The following VTI1A variants were observed in gnomAD, a reference collection of about 807,000 sequenced individuals.
The protein encoded by VTI1A is vesicle transport through interaction with t-SNAREs 1A.
In VTI1A, 22 loss-of-function variants were observed where a neutral mutation model predicts 34.9. The observed-to-expected ratio is 0.63, with a 90% CI of 0.45 to 0.90. VTI1A has a LOEUF of 0.90. Ranked by LOEUF, VTI1A falls within the 40% of genes least tolerant of loss-of-function variation. The pLI is 0.00. For synonymous variants in VTI1A, 87 were observed against 97.3 expected (o/e 0.89, Z 0.62); for missense variants, 268 against 275.6 (o/e 0.97, Z 0.20).
chr10:112,566,329 A>G (rs1851902396), intron 5 of VTI1A, among the ~76,000 whole-genome samples: 1 of 152,228 alleles, frequency 6.6e-6, no homozygotes, highest in Admixed American at 6.5e-5. Context: ...ATAAAATGTT[A>G]AAATAATAGA....
intron 3 of VTI1A, among the ~76,000 whole-genome samples, chr10:112,524,251 A>G (rs146982129): frequency 0.013 from 1,906 of 152,188 alleles, 16 homozygotes; most frequent in Middle Eastern, 0.024. Flanking sequence ...TTGGGCATCT[A>G]AATATAATTA....
At chr10:112,655,810 TGACA>T (rs1174379034) in intron 5 of VTI1A, among the ~76,000 whole-genome samples, 1 of 152,226 alleles carries the variant, frequency 6.6e-6, no homozygotes, top group Non-Finnish European at 1.5e-5. Context: ...TTGACATGAC[TGACA>T]GACATTTTTT....
intron 3 of VTI1A, among the ~76,000 whole-genome samples, chr10:112,504,011 T>C (rs949410058): frequency 1.3e-5 from 2 of 152,160 alleles, no homozygotes; most frequent in African/African-American, 4.8e-5. Context: ...GTCCAAAAGA[T>C]CTCACTGTTT....
At chr10:112,550,364 T>C (rs1422877401) in intron 5 of VTI1A, among the ~76,000 whole-genome samples, 2 of 151,328 alleles carry the variant, frequency 1.3e-5, no homozygotes, top group Admixed American at 1.3e-4. Context: ...TTTTTTTTTT[T>C]TAACAGTGTT....
chr10:112,773,287 A>G (rs935480921), intron 7 of VTI1A, among the ~76,000 whole-genome samples: 5 of 152,214 alleles, frequency 3.3e-5, no homozygotes, highest in African/African-American at 1.2e-4. Flanking sequence ...AGTTTTTCCA[A>G]GGTTTGGGAA....
At chr10:112,506,555 G>A (rs937469431) in intron 3 of VTI1A, among the ~76,000 whole-genome samples, 3 of 152,122 alleles carry the variant, frequency 2.0e-5, no homozygotes, top group African/African-American at 7.2e-5. Context: ...TAATGTAGAC[G>A]TTACACACTG....
chr10:112,778,325 A>T (rs903574634), intron 7 of VTI1A, among the ~76,000 whole-genome samples: 3 of 152,200 alleles, frequency 2.0e-5, no homozygotes, highest in African/African-American at 7.2e-5. Flanking sequence ...GACTCTGAGC[A>T]CTGGTGGAAG....
intron 3 of VTI1A, among the ~76,000 whole-genome samples, chr10:112,507,099 A>G (rs1006294458): frequency 6.6e-6 from 1 of 152,174 alleles, no homozygotes; most frequent in African/African-American, 2.4e-5. Context: ...TCAGGTGTCC[A>G]GAATGGAAGG....
At position 112,816,842 on chromosome 10, in the gene VTI1A, G is replaced by A. The variant is rs1853534530; in HGVS notation, c.*1459G>A. ...TCCCAACTCAGAAGAAAACCATTATGGTTTAGAGAGGAAATGCAGAATGGC... is the reference window on the plus strand; with the variant it reads ...TCCCAACTCAGAAGAAAACCATTATAGTTTAGAGAGGAAATGCAGAATGGC... On this transcript the variant is annotated 3_prime_UTR_variant, in exon 8 of 8. Transcript: ENST00000393077. The A allele has an allele frequency of 4.4e-6, 1 of 229,796 alleles. No homozygotes were observed. The highest frequency in any genetic ancestry group is 2.2e-5 in the African/African-American group (1 of 45,150). The allele number at this position is 229,796 out of a possible 1,614,324, so 14.2% of individuals were successfully genotyped here. A position where few individuals can be genotyped will look rare whatever the true frequency, so the allele number is the denominator to read the frequency against.
intron 7 of VTI1A, among the ~76,000 whole-genome samples, chr10:112,799,780 C>A (rs1444172987): frequency 2.0e-5 from 3 of 152,138 alleles, no homozygotes; most frequent in Non-Finnish European, 4.4e-5. Context: ...AAGGAGATAT[C>A]ACAAGTTTGA....
chr10:112,700,629 C>T (rs1371741185), intron 7 of VTI1A, among the ~76,000 whole-genome samples: 1 of 152,180 alleles, frequency 6.6e-6, no homozygotes, highest in African/African-American at 2.4e-5. Flanking sequence ...CCAAATTGCT[C>T]ATATTGGCTT....
At chr10:112,782,880 C>T (rs879457173) in intron 7 of VTI1A, among the ~76,000 whole-genome samples, 1 of 152,100 alleles carries the variant, frequency 6.6e-6, no homozygotes, top group Non-Finnish European at 1.5e-5. Flanking sequence ...CTTCTAATTT[C>T]GATTTTGTGA....
In VTI1A at chr10:112,548,890, A is replaced by T. The variant is rs547002780; in HGVS notation, c.427+10560A>T. ...GTGATCAATCACTTTTTAAAAAATC[A>T]TTTTAGAAGTTTCTTCACATCCACT... On this transcript the variant is annotated intron_variant, in intron 5 of 7. Transcript: ENST00000393077. The T allele has an allele frequency of 1.1e-5, 14 of 1,249,646 alleles. No individual in the cohort carries two copies. In the Admixed American group the frequency reaches 2.4e-4, roughly 22 times the overall value. The allele number at this position is 1,249,646 out of a possible 1,614,324, so 77.4% of individuals were successfully genotyped here. A position where few individuals can be genotyped will look rare whatever the true frequency, so the allele number is the denominator to read the frequency against.
chr10:112,834,078 A>G, the VTI1A span, among the ~76,000 whole-genome samples: 4 of 152,224 alleles, frequency 2.6e-5, no homozygotes, highest in South Asian at 8.3e-4. Context: ...GTTGGTCATG[A>G]TAACATTGCC....
intron 5 of VTI1A, among the ~76,000 whole-genome samples, chr10:112,597,327 C>G: frequency 6.6e-6 from 1 of 152,188 alleles, no homozygotes; most frequent in Non-Finnish European, 1.5e-5. Context: ...AAGCGATTCT[C>G]TTGCCTCAGC....
chr10:112,693,424 G>A (rs886740007), intron 7 of VTI1A, among the ~76,000 whole-genome samples: 2 of 152,072 alleles, frequency 1.3e-5, no homozygotes, highest in Non-Finnish European at 2.9e-5. Context: ...GTGGGCACCT[G>A]TAATCCCAGT....
intron 7 of VTI1A, among the ~76,000 whole-genome samples, chr10:112,728,823 A>G (rs1351750701): frequency 6.6e-6 from 1 of 152,206 alleles, no homozygotes; most frequent in African/African-American, 2.4e-5. Flanking sequence ...CATTGTATGT[A>G]CCAGGCATGG....
intron 5 of VTI1A, among the ~76,000 whole-genome samples, chr10:112,567,048 T>C (rs528584916): frequency 6.6e-6 from 1 of 152,168 alleles, no homozygotes; most frequent in East Asian, 1.9e-4. Context: ...GTAATTTATT[T>C]AGACAGAGTA....
chr10:112,471,292 G>A (rs118138651), intron 3 of VTI1A, among the ~76,000 whole-genome samples: 61 of 151,484 alleles, frequency 4.0e-4, no homozygotes, highest in Admixed American at 7.2e-4. Flanking sequence ...AAAGTTAGGG[G>A]TCATACTTAC....
Sources: gnomAD v4.1 joint callset for allele counts (sites outside exome capture counted in the v4.1 genomes callset) on GRCh38, gnomAD v4.1.1 for gene constraint, MANE v1.5 for transcripts, NCBI Gene and HGNC (gene_info 2026-07-23, HGNC 2026-07-21) for gene names.